Variants in TMCC2 observed in about 807,000 individuals in gnomAD.
TMCC2 encodes transmembrane and coiled-coil domains protein 2.
TMCC2 carries 16 observed loss-of-function variants against 49.4 expected under a neutral mutation model. That is an observed-to-expected ratio of 0.32 (90% confidence interval 0.22 to 0.49). The LOEUF is 0.49. Among genes scored for constraint, TMCC2 ranks in the 20% least tolerant of loss-of-function variants. TMCC2 has a pLI of 0.99. For missense variants in TMCC2, 762 were observed against 989.8 expected (o/e 0.77, Z 3.09); for synonymous variants, 397 against 434.1 (o/e 0.91, Z 1.06).
At chr1:205,250,935 C>T (rs1301262447) in intron 2 of TMCC2, among the ~76,000 whole-genome samples, 1 of 152,184 alleles carries the variant, frequency 6.6e-6, no homozygotes, top group Non-Finnish European at 1.5e-5. Flanking sequence ...GGAGTTGGCT[C>T]AGGTCTCCCC....
chr1:205,235,312 C>G (rs1271143574), intron 1 of TMCC2, among the ~76,000 whole-genome samples: 1 of 152,074 alleles, frequency 6.6e-6, no homozygotes, highest in East Asian at 1.9e-4. Context: ...ATATTGAGTT[C>G]TAGATTAATT....
intron 1 of TMCC2, among the ~76,000 whole-genome samples, chr1:205,232,962 A>ACC (rs1659863882): frequency 1.0e-5 from 1 of 99,124 alleles, no homozygotes; most frequent in African/African-American, 4.2e-5. Context: ...AAAAAAAAAC[A>ACC]CAAAAAAACA....
Position 205,241,852 on chromosome 1 carries a change from T to G in TMCC2, c.555T>G (p.Ser185Arg), listed in dbSNP as rs1182614493. The G allele has an allele frequency of 1.2e-6, 2 of 1,600,272 alleles. No homozygotes were observed. Among genetic ancestry groups the G allele is most frequent in the Non-Finnish European group, 1.7e-6 (2 of 1,175,240 alleles). ...SSGSSSRRTK[S>R]SSLEPQRGSP... ...GGAGCAGCAGCCGGCGCACCAAGAGTAGCTCCCTGGAGCCCCAGCGTGGCA... is the reference window on the plus strand; with the variant it reads ...GGAGCAGCAGCCGGCGCACCAAGAGGAGCTCCCTGGAGCCCCAGCGTGGCA... The change falls in exon 2 of 5, where the codon AGT becomes AGG. Residue 185 changes from serine (S) to arginine (R), a missense_variant. This residue lies in a region of TMCC2 where 322 missense variants were observed against 353.1 expected (regional missense o/e 0.91). Coordinates refer to ENST00000358024, the MANE Select transcript of TMCC2 (RefSeq NM_014858.4). The surrounding 1 kb of genome is among the most constrained non-coding windows in gnomAD (Gnocchi z 7.3).
Position 205,241,581 on chromosome 1 carries a change from G to A in TMCC2, c.284G>A (p.Arg95Gln), listed in dbSNP as rs138497244. 6.3e-4 allele frequency: 1,022 copies of A among 1,613,794 alleles called. 1 individual carries two copies. The highest frequency in any genetic ancestry group is 8.1e-4 in the Non-Finnish European group (959 of 1,180,016). The change falls in exon 2 of 5, where the codon CGG becomes CAG. Residue 95 changes from arginine to glutamine, a missense_variant. By Grantham distance (43) the Arg-to-Gln change is conservative. This residue lies in a region of TMCC2 where 322 missense variants were observed against 353.1 expected (regional missense o/e 0.91). Coordinates refer to ENST00000358024, the MANE Select transcript of TMCC2 (RefSeq NM_014858.4). The surrounding 1 kb of genome is among the most constrained non-coding windows in gnomAD (Gnocchi z 7.3). Reference protein sequence around the residue: ...KHLFHSRRRSREREHQTSQDS... With the variant: ...KHLFHSRRRSQEREHQTSQDS... The stretch of plus-strand genomic sequence containing the variant: ...CTGTTCCACAGCCGCCGTCGGTCTC[G>A]GGAAAGGGAGCACCAGACGTCTCAG...
intron 3 of TMCC2, among the ~76,000 whole-genome samples, chr1:205,270,139 T>G (rs1198839572): frequency 6.6e-6 from 1 of 152,120 alleles, no homozygotes; most frequent in Admixed American, 6.5e-5. Flanking sequence ...CTCTGCCTCC[T>G]GGGTTCAAGC....
intron 2 of TMCC2, among the ~76,000 whole-genome samples, chr1:205,267,040 G>A (rs776089101): frequency 1.3e-4 from 20 of 152,204 alleles, no homozygotes; most frequent in Non-Finnish European, 2.8e-4. Flanking sequence ...GGTATGAAAG[G>A]TCAGAAATTC....
chr1:205,236,746 G>A (rs1404891768), intron 1 of TMCC2: 6 of 152,336 alleles, frequency 3.9e-5, no homozygotes, highest in Non-Finnish European at 8.8e-5. Context: ...AGAGCAGGGC[G>A]AGATCGCTGC....
intron 1 of TMCC2, chr1:205,229,717 T>A: frequency 1.0e-6 from 1 of 985,414 alleles, no homozygotes; most frequent in Non-Finnish European, 1.2e-6. Flanking sequence ...GGGGCCTCAG[T>A]TCAAGTTGCA....
At chr1:205,239,633 C>T (rs1660190464) in intron 1 of TMCC2, among the ~76,000 whole-genome samples, 1 of 152,128 alleles carries the variant, frequency 6.6e-6, no homozygotes, top group African/African-American at 2.4e-5. Flanking sequence ...TGGGATAATG[C>T]AGGATACAAA....
intron 2 of TMCC2, among the ~76,000 whole-genome samples, chr1:205,258,075 A>G (rs149850656): frequency 1.7e-3 from 257 of 152,312 alleles, no homozygotes; most frequent in African/African-American, 5.7e-3. Context: ...ACAAGAGAGT[A>G]GCCCTTAGGG....
At position 205,271,263 on chromosome 1, in the gene TMCC2, CAGGGCAACCTTGGG is replaced by C; in HGVS notation, c.1818+12_1818+25del. The stretch of plus-strand genomic sequence containing the variant: ...AGGGCACGGGACATCCAGGTATGGC[CAGGGCAACCTTGGG>C]AGGCCCCAGATGTGCTGGTAGAGCT... On this transcript the variant is annotated intron_variant, in intron 4 of 4. Transcript: ENST00000358024. 6.2e-7 allele frequency: 1 copy of C among 1,614,060 alleles called. No individual in the cohort carries two copies. The highest frequency in any genetic ancestry group is 8.5e-7 in the Non-Finnish European group (1 of 1,180,042).
chr1:205,254,895 C>T (rs1574852679), intron 2 of TMCC2, among the ~76,000 whole-genome samples: 2 of 152,318 alleles, frequency 1.3e-5, no homozygotes, highest in East Asian at 3.9e-4. Flanking sequence ...TCCTTTTCCT[C>T]TGCTTAATAA....
rs1661065760 is a variant in TMCC2 at position 205,260,630 on chromosome 1, C to A, written c.748-8320C>A. Among the ~76,000 whole-genome samples the A allele has an allele frequency of 7.9e-5, 12 of 152,182 alleles. 1 individual carries two copies. ...CCTCCATCTAGTTCCTAAACATTTT[C>A]AGCAACCCCAAGGAAACCCTGTACC... On this transcript the variant is annotated intron_variant, in intron 2 of 4. Transcript: ENST00000358024.
intron 1 of TMCC2, among the ~76,000 whole-genome samples, chr1:205,233,347 GC>G: frequency 6.6e-6 from 1 of 152,202 alleles, no homozygotes; most frequent in South Asian, 2.1e-4. Context: ...CTGGTTTGAA[GC>G]ACTTTTGACT....
chr1:205,257,903 TGAG>T (rs1469692716), intron 2 of TMCC2, among the ~76,000 whole-genome samples: 3 of 152,060 alleles, frequency 2.0e-5, no homozygotes, highest in Admixed American at 2.0e-4. Context: ...TCTGTGGGTG[TGAG>T]GAGACGAGGA....
intron 2 of TMCC2, among the ~76,000 whole-genome samples, chr1:205,243,155 G>GGGT (rs1479655985): frequency 6.6e-6 from 1 of 152,144 alleles, no homozygotes; most frequent in African/African-American, 2.4e-5. Flanking sequence ...AGGCCGAGGT[G>GGGT]GGTGGATCAC....
intron 2 of TMCC2, among the ~76,000 whole-genome samples, chr1:205,258,953 T>C (rs1420909534): frequency 6.6e-6 from 1 of 152,192 alleles, no homozygotes; most frequent in East Asian, 1.9e-4. Context: ...AGTCAGCAGA[T>C]TGAAGCATCT....
intron 1 of TMCC2, among the ~76,000 whole-genome samples, chr1:205,238,335 C>G (rs1294905460): frequency 6.6e-6 from 1 of 152,182 alleles, no homozygotes; most frequent in African/African-American, 2.4e-5. Context: ...CCTTGCGTCA[C>G]TTTGCTGTTC....
At position 205,228,700 on chromosome 1, in the gene TMCC2, G is replaced by C. The variant is rs536979700; in HGVS notation, c.136G>C (p.Gly46Arg). 2.9e-5 allele frequency: 46 copies of C among 1,612,128 alleles called. 1 individual carries two copies. Among genetic ancestry groups the C allele is most frequent in the Non-Finnish European group, 3.7e-5 (44 of 1,179,664 alleles). The change falls in exon 1 of 5, where the codon GGG (glycine) becomes CGG (arginine). Residue 46 changes from glycine (G) to arginine (R), a missense_variant. Gly to Arg is a moderately radical substitution (Grantham distance 125). Coordinates refer to ENST00000358024, the MANE Select transcript of TMCC2 (RefSeq NM_014858.4). ...GACCACGGGTGCTAACTCTGCTGGC[G>C]GGCCAACTTCAGACGCCGGCGCTGC... is the stretch of plus-strand genomic sequence containing the variant. Reference protein sequence around the residue: ...GETTGANSAGGPTSDAGAAAA... With the variant: ...GETTGANSAGRPTSDAGAAAA...
Sources: gnomAD v4.1 joint callset for allele counts (sites outside exome capture counted in the v4.1 genomes callset) on GRCh38, gnomAD v4.1.1 for gene constraint, gnomAD v4.1.1 regional missense constraint, Gnocchi (gnomAD v3.1) non-coding constraint, MANE v1.5 for transcripts, NCBI Gene and HGNC (gene_info 2026-07-23, HGNC 2026-07-21) for gene names.